Variants in EYS observed in about 807,000 individuals in gnomAD.
The protein encoded by EYS is protein eyes shut homolog.
A neutral mutation model predicts 282.1 loss-of-function variants in EYS; 250 were observed. The ratio of observed to expected loss-of-function variants is 0.89; its 90% CI spans 0.80 to 0.98. The LOEUF is 0.98. Among genes scored for constraint, EYS ranks in the 50% least tolerant of loss-of-function variants. The pLI, the probability that EYS is intolerant of heterozygous loss-of-function variation, is 0.00. For missense variants in EYS, 4,016 were observed against 3,709.0 expected, an observed-to-expected ratio of 1.08 and a Z score of -2.15; for synonymous variants, 1,355 against 1,282.9, an observed-to-expected ratio of 1.06 and a Z score of -1.20.
intron 29 of EYS, among the ~76,000 whole-genome samples, chr6:64,313,002 CAAGGG>C (rs1314816169): frequency 6.6e-6 from 1 of 152,122 alleles, no homozygotes; most frequent in Non-Finnish European, 1.5e-5. Context: ...CTCCTTGCAG[CAAGGG>C]AACAAAACTG....
rs1768324659 is a variant in EYS, at chr6:63,720,349, CTG to C, written c.*245_*246del. On this transcript the variant is annotated 3_prime_UTR_variant, in exon 43 of 43. Coordinates refer to ENST00000503581, the MANE Select transcript of EYS (RefSeq NM_001142800.2). Reference sequence around the variant, plus strand: ...AATAAGCAAAGTGAATAAGCACATTCTGTGAATAAGCACTGAACTAATGGAGT... The same window carrying C: ...AATAAGCAAAGTGAATAAGCACATTCTGAATAAGCACTGAACTAATGGAGT... 2.4e-6 allele frequency: 1 copy of C among 418,926 alleles called. No individual in the cohort carries two copies. Among genetic ancestry groups the C allele is most frequent in the African/African-American group, 2.1e-5 (1 of 48,650 alleles). 26.0% of individuals were successfully genotyped at this position (418,926 alleles called of 1,614,324 possible). A position where few individuals can be genotyped will look rare whatever the true frequency, so the allele number is the denominator to read the frequency against.
chr6:65,143,496 A>G, intron 12 of EYS, among the ~76,000 whole-genome samples: 1 of 152,194 alleles, frequency 6.6e-6, no homozygotes, highest in African/African-American at 2.4e-5. Context: ...CGATTTAGAT[A>G]ACAAAAATAT....
At chr6:65,344,499 C>T (rs191939595) in intron 9 of EYS, among the ~76,000 whole-genome samples, 43 of 151,488 alleles carry the variant, frequency 2.8e-4, no homozygotes, top group African/African-American at 9.9e-4. Flanking sequence ...ATAAAAAGAA[C>T]ACTGTCCTAT....
intron 31 of EYS, among the ~76,000 whole-genome samples, chr6:64,102,111 C>T (rs1772849983): frequency 1.3e-5 from 2 of 152,144 alleles, no homozygotes. Flanking sequence ...ACACTGATAC[C>T]ATGGCCCGGG....
chr6:65,505,165 T>C (rs1267538738), intron 2 of EYS, among the ~76,000 whole-genome samples: 1 of 151,896 alleles, frequency 6.6e-6, no homozygotes, highest in Non-Finnish European at 1.5e-5. Context: ...GTCTATTTTA[T>C]CAACATTTTC....
rs558924244 is a variant in EYS, at chr6:63,989,846, AT to A, written c.6835-5244del. Among the ~76,000 whole-genome samples the A allele has an allele frequency of 5.9e-4, 89 of 151,600 alleles. No individual in the cohort carries two copies. The South Asian group carries it at 0.015, about 25-fold the overall frequency. Reference sequence around the variant, plus strand: ...ATATACCCTTCTATATTTTATATATATATATGGCATATTGCATAGGACAGTA... The same window carrying A: ...ATATACCCTTCTATATTTTATATATAATATGGCATATTGCATAGGACAGTA... On this transcript the variant is annotated intron_variant, in intron 34 of 42. Coordinates refer to ENST00000503581, the MANE Select transcript of EYS (RefSeq NM_001142800.2).
intron 12 of EYS, among the ~76,000 whole-genome samples, chr6:65,281,531 T>C (rs1768219578): frequency 1.3e-5 from 2 of 152,174 alleles, no homozygotes; most frequent in Admixed American, 6.5e-5. Flanking sequence ...ACTCTCAGTA[T>C]AACTCTGTGA....
At chr6:65,199,093 C>T (rs71572512) in intron 12 of EYS, among the ~76,000 whole-genome samples, 340 of 152,180 alleles carry the variant, frequency 2.2e-3, no homozygotes, top group Middle Eastern at 6.8e-3. Flanking sequence ...AATTAGGTTG[C>T]TTTTCTAATC....
intron 14 of EYS, among the ~76,000 whole-genome samples, chr6:64,976,616 A>C (rs1267778670): frequency 6.6e-6 from 1 of 152,068 alleles, no homozygotes; most frequent in African/African-American, 2.4e-5. Flanking sequence ...CCACCTTGAA[A>C]TGCTCCACCT....
chr6:64,163,405 AT>A (rs1361277350), intron 31 of EYS, among the ~76,000 whole-genome samples: 1 of 152,160 alleles, frequency 6.6e-6, no homozygotes, highest in East Asian at 1.9e-4. Flanking sequence ...CCAAGCTAAA[AT>A]GAAAGATGAA....
intron 22 of EYS, among the ~76,000 whole-genome samples, chr6:64,795,094 G>T (rs940231052): frequency 5.3e-5 from 8 of 152,032 alleles, no homozygotes; most frequent in African/African-American, 1.9e-4. Flanking sequence ...AATTAGCTGG[G>T]CATGGTGGCA....
chr6:64,514,252 C>A (rs1320669154), intron 26 of EYS, among the ~76,000 whole-genome samples: 1 of 151,592 alleles, frequency 6.6e-6, no homozygotes, highest in African/African-American at 2.4e-5. Flanking sequence ...ATATGTAAAA[C>A]CAAGTGTGAG....
chr6:64,197,251 C>T (rs1435577389), intron 31 of EYS, among the ~76,000 whole-genome samples: 5 of 151,968 alleles, frequency 3.3e-5, no homozygotes, highest in East Asian at 1.9e-4. Flanking sequence ...TTGAGAGAGG[C>T]GATTTTCTTA....
At chr6:65,561,109 G>A (rs983616271) in intron 2 of EYS, among the ~76,000 whole-genome samples, 1 of 152,096 alleles carries the variant, frequency 6.6e-6, no homozygotes, top group African/African-American at 2.4e-5. Flanking sequence ...AAGACCCAGA[G>A]CATCAATGTT....
chr6:64,149,099 T>C (rs903829649), intron 31 of EYS, among the ~76,000 whole-genome samples: 10 of 152,192 alleles, frequency 6.6e-5, no homozygotes, highest in Non-Finnish European at 1.5e-5. Flanking sequence ...GACATAGATA[T>C]CATTTTTCAG....
At chr6:64,837,666 T>C (rs9345548) in intron 19 of EYS, among the ~76,000 whole-genome samples, 11,686 of 122,170 alleles carry the variant, frequency 0.096, 755 homozygotes, top group East Asian at 0.33. Context: ...GATATGTATA[T>C]GATATATATA....
At chr6:64,167,812 A>G (rs1764342647) in intron 31 of EYS, among the ~76,000 whole-genome samples, 2 of 152,240 alleles carry the variant, frequency 1.3e-5, no homozygotes, top group Admixed American at 6.5e-5. Context: ...TATAAATCCA[A>G]TAAAAATAAG....
chr6:64,699,078 C>A (rs1770687920), intron 22 of EYS, among the ~76,000 whole-genome samples: 1 of 152,018 alleles, frequency 6.6e-6, no homozygotes, highest in Non-Finnish European at 1.5e-5. Flanking sequence ...ACTTAAATGC[C>A]CATCAATGAC....
chr6:65,637,080 A>T (rs1767114492), intron 2 of EYS, among the ~76,000 whole-genome samples: 1 of 152,220 alleles, frequency 6.6e-6, no homozygotes, highest in African/African-American at 2.4e-5. Context: ...TGCGTCTAAG[A>T]TTAAAGGCTA....
Sources: gnomAD v4.1 joint callset for allele counts (sites outside exome capture counted in the v4.1 genomes callset) on GRCh38, gnomAD v4.1.1 for gene constraint, MANE v1.5 for transcripts, NCBI Gene and HGNC (gene_info 2026-07-23, HGNC 2026-07-21) for gene names.